The following CFAP52 variants were observed in gnomAD, a reference collection of about 807,000 sequenced individuals.
CFAP52 encodes cilia and flagella associated protein 52.
In CFAP52, 57 loss-of-function variants were observed where a neutral mutation model predicts 70.5. The observed-to-expected ratio is 0.81, with a 90% CI of 0.65 to 1.01. CFAP52 has a LOEUF of 1.01. CFAP52 is among the 50% of genes least tolerant of loss of function. CFAP52 has a pLI of 0.00. For synonymous variants in CFAP52, 267 were observed against 292.5 expected (o/e 0.91, Z 0.89); for missense variants, 785 against 788.5 (o/e 1.00, Z 0.05).
chr17:9,631,062 G>GAAAGA (rs1567634977), intron 9 of CFAP52, among the ~76,000 whole-genome samples: 4 of 119,780 alleles, frequency 3.3e-5, no homozygotes, highest in African/African-American at 1.4e-4. Context: ...GAGAAAGAAA[G>GAAAGA]AAAGAAAGAA....
rs1031668856 is a variant in CFAP52 at position 9,612,590 on chromosome 17, T to G, written c.1025+111T>G. 1.5e-5 allele frequency: 18 copies of G among 1,241,262 alleles called. No homozygotes were observed. In the African/African-American group the frequency reaches 2.7e-4, roughly 19 times the overall value. The allele number at this position is 1,241,262 out of a possible 1,614,324, so 76.9% of individuals were successfully genotyped here. A position where few individuals can be genotyped will look rare whatever the true frequency, so the allele number is the denominator to read the frequency against. ...TGAACATAGTTATGATTTTTCTCCT[T>G]AAATTTTTCTAACGTGGTGAATTAT... is the stretch of plus-strand genomic sequence containing the variant. On this transcript the variant is annotated intron_variant, in intron 8 of 13. Coordinates refer to ENST00000352665, the MANE Select transcript of CFAP52 (RefSeq NM_145054.5).
At chr17:9,590,159 C>A in intron 3 of CFAP52, 1 of 191,366 alleles carries the variant, frequency 5.2e-6, no homozygotes, top group East Asian at 1.3e-4. Flanking sequence ...TTCTTCGATC[C>A]ATGGTATCTT....
chr17:9,632,957 C>A lies in CFAP52; in HGVS notation c.1244C>A (p.Ala415Asp), dbSNP rs1910618972. Residue 415 changes from alanine to aspartate, a missense_variant, in exon 10 of 14, where the codon GCT becomes GAT. By Grantham distance (126) the Ala-to-Asp change is moderately radical. Transcript: ENST00000352665. The stretch of plus-strand genomic sequence containing the variant: ...CGACTGATGTATGTCATTAACAATG[C>A]TCACAGGATCGGCGTCACCGCCATC... ...TGRLMYVINN[A>D]HRIGVTAIAT... 11 of 1,614,098 alleles carry A rather than the reference C, an allele frequency of 6.8e-6. No individual in the cohort carries two copies. Among genetic ancestry groups the A allele is most frequent in the African/African-American group, 1.3e-5 (1 of 74,940 alleles).
At chr17:9,589,037 G>T (rs1454194718) in intron 3 of CFAP52, among the ~76,000 whole-genome samples, 2 of 152,148 alleles carry the variant, frequency 1.3e-5, no homozygotes, top group Non-Finnish European at 2.9e-5. Flanking sequence ...GGGAGGCAGA[G>T]GTTGCAGTGA....
At position 9,584,865 on chromosome 17, in the gene CFAP52, C is replaced by T. The variant is rs555193686; in HGVS notation, c.71-908C>T. Among the ~76,000 whole-genome samples, 291 of 152,148 alleles carry T rather than the reference C, an allele frequency of 1.9e-3. 1 individual carries two copies. The highest frequency in any genetic ancestry group is 6.6e-3 in the African/African-American group (276 of 41,508). On this transcript the variant is annotated intron_variant, in intron 1 of 13. Transcript: ENST00000352665. ...CTTGAACTCCTGACCTCAGGTGATC[C>T]GCCTGCCTCGGCCTCCCAAGTGCTG...
intron 5 of CFAP52, among the ~76,000 whole-genome samples, chr17:9,599,282 AGATTTTTAGATTTTTG>A (rs962799500): frequency 6.6e-6 from 1 of 152,208 alleles, no homozygotes; most frequent in Admixed American, 6.5e-5. Context: ...TTCAGATTTT[AGATTTTTAGATTTTTG>A]GATTATACTC....
chr17:9,640,889 C>G (rs1018753825), intron 12 of CFAP52, among the ~76,000 whole-genome samples: 1 of 152,150 alleles, frequency 6.6e-6, no homozygotes, highest in Non-Finnish European at 1.5e-5. Flanking sequence ...AGCAACGGGC[C>G]CAACTCGGCT....
At chr17:9,593,978 T>C (rs887318525) in intron 3 of CFAP52, among the ~76,000 whole-genome samples, 1 of 151,898 alleles carries the variant, frequency 6.6e-6, no homozygotes, top group African/African-American at 2.4e-5. Flanking sequence ...AAAGAAACAA[T>C]AACAACAACA....
intron 12 of CFAP52, among the ~76,000 whole-genome samples, chr17:9,640,885 G>C (rs1043325229): frequency 6.6e-6 from 1 of 152,030 alleles, no homozygotes; most frequent in Non-Finnish European, 1.5e-5. Flanking sequence ...CTCAAGCAAC[G>C]GGCCCAACTC....
At chr17:9,600,732 T>C (rs1335236400) in intron 6 of CFAP52, among the ~76,000 whole-genome samples, 1 of 152,070 alleles carries the variant, frequency 6.6e-6, no homozygotes, top group East Asian at 1.9e-4. Flanking sequence ...GCCCAGCTAA[T>C]TTTTTTGTAT....
chr17:9,616,012 G>A (rs1294369561), intron 8 of CFAP52, among the ~76,000 whole-genome samples: 2 of 151,396 alleles, frequency 1.3e-5, no homozygotes, highest in African/African-American at 2.4e-5. Flanking sequence ...TGGCCGAATA[G>A]GAACAGCTCC....
Position 9,628,730 on chromosome 17 carries a change from T to C in CFAP52, c.1084T>C (p.Ser362Pro), listed in dbSNP as rs1910332777. The stretch of plus-strand genomic sequence containing the variant: ...GAAGGATATCAGGGTGTGGCACACA[T>C]CATCCAACAGGGAGCTGCTGCGGAT... ...AKKDIRVWHT[S>P]SNRELLRITV... The change falls in exon 9 of 14, where the codon TCA (serine) becomes CCA (proline). Residue 362 changes from serine (S) to proline (P), a missense_variant. Ser to Pro is a moderately conservative substitution (Grantham distance 74, BLOSUM62 -1). Coordinates refer to ENST00000352665, the MANE Select transcript of CFAP52 (RefSeq NM_145054.5). 2 of 1,614,052 alleles carry C rather than the reference T, an allele frequency of 1.2e-6. No individual in the cohort carries two copies. The highest frequency in any genetic ancestry group is 1.7e-6 in the Non-Finnish European group (2 of 1,180,042).
At chr17:9,612,196 G>A in intron 7 of CFAP52, 113 bp from the exon 8 acceptor site, 1 of 1,347,516 alleles carries the variant, frequency 7.4e-7, no homozygotes, top group South Asian at 1.4e-5. Flanking sequence ...TCACTTCTGT[G>A]AGGGCGTGTC....
intron 9 of CFAP52, among the ~76,000 whole-genome samples, chr17:9,631,368 A>G (rs1487605786): frequency 6.6e-6 from 1 of 152,074 alleles, no homozygotes; most frequent in Non-Finnish European, 1.5e-5. Flanking sequence ...AGATACCTCC[A>G]TGGCTCACTC....
intron 9 of CFAP52, among the ~76,000 whole-genome samples, chr17:9,629,473 CCCTT>C: frequency 7.6e-6 from 1 of 131,892 alleles, no homozygotes; most frequent in East Asian, 2.5e-4. Context: ...TTCTTTCTTT[CCCTT>C]TCTTTCTTTC....
chr17:9,581,694 T>C (rs1280002032), intron 1 of CFAP52, among the ~76,000 whole-genome samples: 1 of 152,222 alleles, frequency 6.6e-6, no homozygotes, highest in African/African-American at 2.4e-5. Flanking sequence ...CATATCTGAA[T>C]ACTATTCTAT....
intron 8 of CFAP52, among the ~76,000 whole-genome samples, chr17:9,614,369 T>C (rs1478281550): frequency 6.6e-6 from 1 of 152,126 alleles, no homozygotes; most frequent in African/African-American, 2.4e-5. Context: ...TTGGCCCAGC[T>C]GGTCGCGAGC....
At chr17:9,638,984 G>A (rs1910932943) in intron 12 of CFAP52, 1 of 411,838 alleles carries the variant, frequency 2.4e-6, no homozygotes. Flanking sequence ...GCACATAGTA[G>A]GTACTCAATA....
intron 1 of CFAP52, among the ~76,000 whole-genome samples, chr17:9,582,020 A>G (rs1485950104): frequency 6.6e-6 from 1 of 152,170 alleles, no homozygotes; most frequent in Non-Finnish European, 1.5e-5. Flanking sequence ...TATTCCTTCC[A>G]TATAATTCTT....
Sources: allele counts gnomAD v4.1 joint callset (sites outside exome capture counted in the v4.1 genomes callset), GRCh38; gene constraint gnomAD v4.1.1; transcripts MANE v1.5; gene names NCBI Gene and HGNC (gene_info 2026-07-23, HGNC 2026-07-21).